The following DMD variants were observed in gnomAD, a reference collection of about 807,000 sequenced individuals.
DMD encodes the protein dystrophin, also known as mutant dystrophin.
A neutral mutation model predicts 330.1 loss-of-function variants in DMD; 63 were observed. That is an observed-to-expected ratio of 0.19 (90% confidence interval 0.16 to 0.24). The LOEUF (loss-of-function observed/expected upper bound fraction) is 0.24, where lower values mean the gene tolerates loss of function less well. Among genes scored for constraint, DMD ranks in the 10% least tolerant of loss-of-function variants. The pLI is 1.00. For synonymous variants in DMD, 1,223 were observed against 959.8 expected (o/e 1.27, Z -5.07); for missense variants, 3,344 against 2,684.1 (o/e 1.25, Z -5.43).
intron 45 of DMD, among the ~76,000 whole-genome samples, chrX:31,935,218 G>A (rs2094908593): frequency 1.8e-5 from 2 of 111,897 alleles, no homozygotes; most frequent in Non-Finnish European, 3.8e-5. Context: ...AGATGAAAGA[G>A]AAGGAACTGT....
At chrX:32,950,744 A>G (rs944107752) in intron 2 of DMD, among the ~76,000 whole-genome samples, 2 of 111,341 alleles carry the variant, frequency 1.8e-5, no homozygotes, top group African/African-American at 6.5e-5. Flanking sequence ...TGAATTCAGA[A>G]GGACCGGAGA....
At chrX:31,970,707 G>A (rs1361650011) in intron 44 of DMD, among the ~76,000 whole-genome samples, 1 of 111,056 alleles carries the variant, frequency 9.0e-6, no homozygotes, top group Non-Finnish European at 1.9e-5. Context: ...GAGAGCAGGC[G>A]TTAGGGGAGG....
At chrX:32,357,683 ACAC>A (rs2097809333) in intron 37 of DMD, among the ~76,000 whole-genome samples, 2 of 109,358 alleles carry the variant, frequency 1.8e-5, no homozygotes, top group Non-Finnish European at 3.8e-5. Flanking sequence ...ACACACACAC[ACAC>A]ACACACACAC....
At chrX:31,881,556 C>A (rs190695287) in intron 47 of DMD, among the ~76,000 whole-genome samples, 176 of 112,062 alleles carry the variant, frequency 1.6e-3, no homozygotes, top group South Asian at 5.2e-3. Flanking sequence ...AACTTTGAGT[C>A]CTGCAAGCTC....
At chrX:32,555,856 C>T (rs1296740930) in intron 16 of DMD, among the ~76,000 whole-genome samples, 1 of 111,610 alleles carries the variant, frequency 9.0e-6, no homozygotes, top group African/African-American at 3.3e-5. Flanking sequence ...AAACCCCAAA[C>T]AATAAAAACC....
At chrX:32,790,594 T>G (rs1483876593) in intron 7 of DMD, among the ~76,000 whole-genome samples, 1 of 111,448 alleles carries the variant, frequency 9.0e-6, no homozygotes, top group Non-Finnish European at 1.9e-5. Flanking sequence ...TCCTGGAGTC[T>G]CAGTGATATT....
At chrX:32,616,207 T>A (rs901611347) in intron 11 of DMD, among the ~76,000 whole-genome samples, 1 of 111,190 alleles carries the variant, frequency 9.0e-6, no homozygotes, top group Non-Finnish European at 1.9e-5. Flanking sequence ...GCTAAAGTAA[T>A]AGGTGTCATG....
intron 52 of DMD, among the ~76,000 whole-genome samples, chrX:31,719,004 T>C (rs1262579949): frequency 9.0e-6 from 1 of 111,619 alleles, no homozygotes; most frequent in African/African-American, 3.3e-5. Flanking sequence ...GTGCTCTTAT[T>C]TTAGATTCAG....
At chrX:32,721,856 A>C (rs777974085) in intron 7 of DMD, among the ~76,000 whole-genome samples, 5 of 108,446 alleles carry the variant, frequency 4.6e-5, no homozygotes, top group African/African-American at 1.7e-4. Context: ...TTTTCACTTA[A>C]TTTTTGTGTA....
chrX:32,037,274 T>C (rs1569535224), intron 44 of DMD, among the ~76,000 whole-genome samples: 1 of 111,919 alleles, frequency 8.9e-6, no homozygotes, highest in Non-Finnish European at 1.9e-5. Flanking sequence ...GCAAGCAATG[T>C]GGAGGCAGTA....
At chrX:31,805,456 G>A (rs1340194648) in intron 50 of DMD, among the ~76,000 whole-genome samples, 1 of 111,595 alleles carries the variant, frequency 9.0e-6, no homozygotes, top group African/African-American at 3.3e-5. Flanking sequence ...TTCTACTTAG[G>A]TATATTTAAG....
intron 26 of DMD, among the ~76,000 whole-genome samples, chrX:32,449,453 C>T (rs1179996160): frequency 9.1e-6 from 1 of 110,093 alleles, no homozygotes; most frequent in African/African-American, 3.3e-5. Flanking sequence ...TAGCCTCATT[C>T]TGGTCTTCTC....
intron 33 of DMD, 21 bp downstream of exon 33, chrX:32,386,289 G>C (rs376020199): frequency 1.7e-6 from 2 of 1,206,642 alleles, no homozygotes. Flanking sequence ...AGAAGTGTTT[G>C]TGGTCTCAGC....
At chrX:32,652,193 T>C (rs1456617306) in intron 9 of DMD, among the ~76,000 whole-genome samples, 2 of 110,708 alleles carry the variant, frequency 1.8e-5, no homozygotes, top group Non-Finnish European at 3.8e-5. Flanking sequence ...CGTTCAGGTT[T>C]GTTACATATG....
At chrX:32,585,129 TA>T (rs1217644409) in intron 13 of DMD, among the ~76,000 whole-genome samples, 1 of 111,138 alleles carries the variant, frequency 9.0e-6, no homozygotes, top group Non-Finnish European at 1.9e-5. Context: ...ATGTGGGAGC[TA>T]AAAAATTGGA....
At chrX:31,644,519 C>A (rs748856832) in intron 54 of DMD, among the ~76,000 whole-genome samples, 1 of 111,808 alleles carries the variant, frequency 8.9e-6, no homozygotes, top group East Asian at 2.8e-4. Context: ...TAGGTTAACT[C>A]AGACCTATAG....
In DMD at chrX:32,751,311, C is replaced by T. The variant is rs2070778613; in HGVS notation, c.650-52018G>A. On this transcript the variant is annotated intron_variant, in intron 7 of 78. Coordinates refer to ENST00000357033, the MANE Select transcript of DMD (RefSeq NM_004006.3). ...TGATAATGATGTAGAGAATGAAATC[C>T]AAGCTGAGATGGTCTCAGATAGAGA... is the stretch of plus-strand genomic sequence containing the variant. 2.7e-5 allele frequency among the ~76,000 whole-genome samples: 3 copies of T among 110,920 alleles called. No homozygotes were observed. In the Admixed American group the frequency reaches 2.9e-4, roughly 11 times the overall value.
At chrX:31,154,298 T>C (rs888621656) in intron 74 of DMD, among the ~76,000 whole-genome samples, 1 of 109,890 alleles carries the variant, frequency 9.1e-6, no homozygotes, top group Non-Finnish European at 1.9e-5. Context: ...TTTTATTTTT[T>C]TATTTTTTAT....
intron 2 of DMD, among the ~76,000 whole-genome samples, chrX:32,955,276 A>G (rs993782632): frequency 2.7e-5 from 3 of 111,272 alleles, no homozygotes; most frequent in Non-Finnish European, 5.7e-5. Context: ...TTTGATTTGC[A>G]TTTCTCTAAT....
Sources: allele counts gnomAD v4.1 joint callset (sites outside exome capture counted in the v4.1 genomes callset), GRCh38; gene constraint gnomAD v4.1.1; transcripts MANE v1.5; gene names NCBI Gene and HGNC (gene_info 2026-07-23, HGNC 2026-07-21).